WT1: variants seen among roughly 807,000 people sequenced by gnomAD.
WT1 encodes the protein WT1 transcription factor.
In WT1, 8 loss-of-function variants were observed where a neutral mutation model predicts 60.8. That is an observed-to-expected ratio of 0.13 (90% CI 0.08 to 0.24). WT1 has a LOEUF of 0.24. WT1 is among the 10% of genes least tolerant of loss of function. WT1 has a pLI of 1.00. For synonymous variants in WT1, 312 were observed against 297.1 expected (o/e 1.05, Z -0.52); for missense variants, 568 against 711.8 (o/e 0.80, Z 2.30).
chr11:32,402,117 G>A (rs147000090), intron 5 of WT1, among the ~76,000 whole-genome samples: 6 of 152,312 alleles, frequency 3.9e-5, no homozygotes, highest in African/African-American at 1.4e-4. Flanking sequence ...AGAAGCTGTA[G>A]GGTTTCACAT....
Position 32,435,208 on chromosome 11 carries a change from G to T in WT1, c.153C>A (p.Ala51=). The stretch of plus-strand genomic sequence containing the variant: ...CCTGGAGACGTTCAGCGCTGGCCTC[G>T]GCGGCGCCTAACTTGGCCCAGATGC... The change falls in exon 1 of 10, where the codon GCC becomes GCA. Residue 51 remains alanine (A), a synonymous_variant. Transcript: ENST00000452863. 3 of 1,532,922 alleles carry T rather than the reference G, an allele frequency of 2.0e-6. No individual in the cohort carries two copies. Among genetic ancestry groups the T allele is most frequent in the Non-Finnish European group, 2.6e-6 (3 of 1,145,450 alleles). The allele number at this position is 1,532,922 out of a possible 1,614,324, so 95.0% of individuals were successfully genotyped here. A position where few individuals can be genotyped will look rare whatever the true frequency, so the allele number is the denominator to read the frequency against.
Position 32,428,592 on chromosome 11 carries a change from G to A in WT1, c.689C>T (p.Thr230Met), listed in dbSNP as rs777166391. The change falls in exon 2 of 10, where the codon ACG becomes ATG. Residue 230 changes from threonine to methionine, a missense_variant. Coordinates refer to ENST00000452863, the MANE Select transcript of WT1 (RefSeq NM_024426.6). ...CGAGGGCGTGTGACCGTAGCTGGGC[G>A]TCCCGTCGAAGGTGACCGTGCTGTA... 58 of 1,613,696 alleles carry A rather than the reference G, an allele frequency of 3.6e-5. No individual in the cohort carries two copies. The highest frequency in any genetic ancestry group is 4.7e-5 in the Non-Finnish European group (56 of 1,180,020).
chr11:32,434,634 G>C, intron 1 of WT1, 66 bp downstream of exon 1: 1 of 1,609,630 alleles, frequency 6.2e-7, no homozygotes, highest in South Asian at 1.1e-5. Flanking sequence ...AGAGGGGGGT[G>C]TCCTAGAGCG....
chr11:32,430,556 A>G, intron 1 of WT1: 1 of 1,610,652 alleles, frequency 6.2e-7, no homozygotes, highest in East Asian at 2.2e-5. Flanking sequence ...GCCCAGGAGT[A>G]GGCAGGGACC....
intron 1 of WT1, chr11:32,430,509 A>T (rs2133086038): frequency 6.2e-7 from 1 of 1,605,000 alleles, no homozygotes; most frequent in East Asian, 2.2e-5. Flanking sequence ...GAAGCTACGA[A>T]GAAGTTTTCT....
Position 32,400,181 on chromosome 11 carries a change from G to C in WT1, c.1017-137C>G, listed in dbSNP as rs1209160834. ...TAGTTGGTTTTTGCCTCCCTCCATG[G>C]GGCCACTTTAGATGCAGGGTTCTGC... On this transcript the variant is annotated intron_variant, in intron 5 of 9. Transcript: ENST00000452863. 9 of 1,044,312 alleles carry C rather than the reference G, an allele frequency of 8.6e-6. No homozygotes were observed. The East Asian group carries it at 1.6e-4, about 18-fold the overall frequency. 64.7% of individuals were successfully genotyped at this position (1,044,312 alleles called of 1,614,324 possible).
At chr11:32,434,632 G>GAC in intron 1 of WT1, 68 bp downstream of exon 1, 1 of 1,608,448 alleles carries the variant, frequency 6.2e-7, no homozygotes, top group South Asian at 1.1e-5. Context: ...GGAGAGGGGG[G>GAC]TGTCCTAGAG....
intron 5 of WT1, among the ~76,000 whole-genome samples, chr11:32,401,567 G>A (rs1304135843): frequency 6.6e-6 from 1 of 151,986 alleles, no homozygotes; most frequent in Non-Finnish European, 1.5e-5. Flanking sequence ...TTGAGATGGA[G>A]TCTCGCTTTA....
At chr11:32,405,841 T>C (rs1002845101) in intron 5 of WT1, among the ~76,000 whole-genome samples, 3 of 152,222 alleles carry the variant, frequency 2.0e-5, no homozygotes, top group African/African-American at 7.2e-5. Context: ...CACAGTCAGA[T>C]GGCAAGTGGC....
chr11:32,393,724 G>A (rs1031998323), intron 7 of WT1, among the ~76,000 whole-genome samples: 2 of 152,164 alleles, frequency 1.3e-5, no homozygotes, highest in African/African-American at 4.8e-5. Context: ...AAAGTCTCCT[G>A]GGTGTCTCCT....
chr11:32,428,561 A>G lies in WT1; in HGVS notation c.720T>C (p.His240=). The G allele has an allele frequency of 6.2e-7, 1 of 1,614,030 alleles. No homozygotes were observed. The highest frequency in any genetic ancestry group is 8.5e-7 in the Non-Finnish European group (1 of 1,180,002). Residue 240 remains histidine (H), a synonymous_variant, in exon 2 of 10, where the codon CAT becomes CAC. Transcript: ENST00000452863. ...ATGAGTGGTTGGGGAACTGCGCCGC[A>G]TGGTGCGAGGGCGTGTGACCGTAGC...
Position 32,434,811 on chromosome 11 carries a change from G to T in WT1, c.550C>A (p.Pro184Thr). The stretch of plus-strand genomic sequence containing the variant: ...TGGCTGGGCGGAGGAGGACCGAAGG[G>T]CCCGTAGCGACAGGCTCCGGCTGTG... The change falls in exon 1 of 10, where the codon CCC becomes ACC. Residue 184 changes from proline to threonine, a missense_variant. Around this residue, in one of 3 missense-constraint regions of WT1, gnomAD observed 523 missense variants for 565.1 expected, o/e 0.93. Coordinates refer to ENST00000452863, the MANE Select transcript of WT1 (RefSeq NM_024426.6). 6.2e-7 allele frequency: 1 copy of T among 1,612,528 alleles called. No homozygotes were observed. Among genetic ancestry groups the T allele is most frequent in the Non-Finnish European group, 8.5e-7 (1 of 1,179,788 alleles).
intron 1 of WT1, among the ~76,000 whole-genome samples, chr11:32,434,329 C>T (rs1853413040): frequency 6.6e-6 from 1 of 152,226 alleles, no homozygotes; most frequent in Non-Finnish European, 1.5e-5. Context: ...GACAATTTGG[C>T]GTTTCCTTAA....
At chr11:32,410,968 T>C (rs1308125582) in intron 5 of WT1, among the ~76,000 whole-genome samples, 1 of 151,976 alleles carries the variant, frequency 6.6e-6, no homozygotes. Context: ...AAATGGTGAG[T>C]AGAGGGTCTC....
chr11:32,407,042 T>C (rs1365776637), intron 5 of WT1, among the ~76,000 whole-genome samples: 1 of 152,110 alleles, frequency 6.6e-6, no homozygotes, highest in Admixed American at 6.5e-5. Flanking sequence ...GAGTTTGCAG[T>C]GAGCCAAGAT....
chr11:32,402,709 C>G (rs1420692945), intron 5 of WT1, among the ~76,000 whole-genome samples: 1 of 152,232 alleles, frequency 6.6e-6, no homozygotes, highest in African/African-American at 2.4e-5. Context: ...CCATGCCCAG[C>G]TGATTTTTAT....
intron 9 of WT1, among the ~76,000 whole-genome samples, chr11:32,390,436 C>T (rs999476084): frequency 1.1e-4 from 16 of 152,148 alleles, no homozygotes; most frequent in African/African-American, 3.6e-4. Flanking sequence ...ATTATGAGCT[C>T]AGGACTAAGT....
rs776256676 is a variant in WT1 at position 32,389,150 on chromosome 11, T to C, written c.1477A>G (p.Ser493Gly). The C allele has an allele frequency of 1.1e-5, 18 of 1,614,066 alleles. No homozygotes were observed. The highest frequency in any genetic ancestry group is 1.5e-5 in the Non-Finnish European group (18 of 1,180,042). ...GACCGGGCAAACTTTTTCTGACAAC[T>C]TGGCCACCGACAGCTGAAGGGCTTT... The change falls in exon 10 of 10, where the codon AGT becomes GGT. Residue 493 changes from serine (S) to glycine (G), a missense_variant. By Grantham distance (56) the Ser-to-Gly change is moderately conservative. This residue lies in a region of WT1 where 29 missense variants were observed against 46.8 expected (regional missense o/e 0.62). Transcript: ENST00000452863.
chr11:32,408,514 TAAA>T (rs58685266), intron 5 of WT1, among the ~76,000 whole-genome samples: 42 of 74,238 alleles, frequency 5.7e-4, no homozygotes, highest in African/African-American at 1.6e-3. Context: ...GACTACGTCT[TAAA>T]AAAAAAAAAA....
Sources: gnomAD v4.1 joint callset for allele counts (sites outside exome capture counted in the v4.1 genomes callset) on GRCh38, gnomAD v4.1.1 for gene constraint, gnomAD v4.1.1 regional missense constraint, MANE v1.5 for transcripts, NCBI Gene and HGNC (gene_info 2026-07-23, HGNC 2026-07-21) for gene names.